Variants in ZNF146 observed in about 807,000 individuals in gnomAD.
The protein encoded by ZNF146 is zinc finger protein OZF.
In ZNF146, 9 loss-of-function variants were observed where a neutral mutation model predicts 22.2. That is an observed-to-expected ratio of 0.41 (90% CI 0.24 to 0.71). The LOEUF (loss-of-function observed/expected upper bound fraction) is 0.71, where lower values mean the gene tolerates loss of function less well. ZNF146 is among the 30% of genes least tolerant of loss of function. ZNF146 has a pLI of 0.34. For missense variants in ZNF146, 194 were observed against 344.8 expected (o/e 0.56, Z 3.46); for synonymous variants, 108 against 119.2 (o/e 0.91, Z 0.61).
At chr19:36,225,945 T>G (rs1330999437) in intron 2 of ZNF146, among the ~76,000 whole-genome samples, 1 of 151,692 alleles carries the variant, frequency 6.6e-6, no homozygotes, top group Non-Finnish European at 1.5e-5. Flanking sequence ...GGATTTGAAT[T>G]TTTTGCAGAG....
At chr19:36,230,865 G>C (rs773590085) in intron 3 of ZNF146, among the ~76,000 whole-genome samples, 3 of 151,984 alleles carry the variant, frequency 2.0e-5, no homozygotes, top group Non-Finnish European at 4.4e-5. Context: ...ACAGTGGTGC[G>C]ATCTCGGCTC....
At chr19:36,217,055 C>CTTTT (rs752632008) in intron 1 of ZNF146, among the ~76,000 whole-genome samples, 16,628 of 65,800 alleles carry the variant, frequency 0.25, 3,531 homozygotes, top group South Asian at 0.32. Context: ...CAGTCCCTGT[C>CTTTT]TTTTTTTTTT....
chr19:36,221,520 C>T (rs1976837413), intron 2 of ZNF146, among the ~76,000 whole-genome samples: 1 of 152,030 alleles, frequency 6.6e-6, no homozygotes, highest in Admixed American at 6.6e-5. Flanking sequence ...GATCTCCTGA[C>T]CTCGTGATCC....
chr19:36,227,958 C>T (rs566915447), intron 2 of ZNF146, among the ~76,000 whole-genome samples: 16 of 152,098 alleles, frequency 1.1e-4, no homozygotes, highest in African/African-American at 3.9e-4. Flanking sequence ...GTCAGGAGTT[C>T]GAGACCAGCC....
In ZNF146 at chr19:36,236,937, G is replaced by T. The variant is rs1977665343; in HGVS notation, c.497G>T (p.Gly166Val). Residue 166 changes from glycine to valine, a missense_variant, in exon 4 of 4, where the codon GGC becomes GTC. Gly to Val is a moderately radical substitution (Grantham distance 109). This residue lies in a region of ZNF146 where 147 missense variants were observed against 300.1 expected (regional missense o/e 0.49). Transcript: ENST00000443387. The stretch of plus-strand genomic sequence containing the variant: ...TGTAGTGAATGTGGAACAGCCTTTG[G>T]CCAGAAGAAGTACCTCATAAAACAT... ...FKCSECGTAF[G>V]QKKYLIKHQN... is the part of the protein sequence containing the mutation. 6.2e-7 allele frequency: 1 copy of T among 1,614,094 alleles called. No homozygotes were observed. Among genetic ancestry groups the T allele is most frequent in the Non-Finnish European group, 8.5e-7 (1 of 1,180,014 alleles).
At chr19:36,217,604 A>G (rs934076190) in intron 1 of ZNF146, among the ~76,000 whole-genome samples, 2 of 152,100 alleles carry the variant, frequency 1.3e-5, no homozygotes, top group African/African-American at 2.4e-5. Context: ...GAATAAGAAA[A>G]GGGGTAATAA....
intron 2 of ZNF146, among the ~76,000 whole-genome samples, chr19:36,222,144 G>A: frequency 6.6e-6 from 1 of 151,898 alleles, no homozygotes; most frequent in East Asian, 1.9e-4. Flanking sequence ...GATTGGTCTC[G>A]AACTCCTGAG....
Position 36,236,498 on chromosome 19 carries a change from G to C in ZNF146, c.58G>C (p.Val20Leu), listed in dbSNP as rs1262293237. 1.7e-5 allele frequency: 27 copies of C among 1,614,004 alleles called. No homozygotes were observed. Among genetic ancestry groups the C allele is most frequent in the Non-Finnish European group, 2.2e-5 (26 of 1,180,004 alleles). ...YSGENPFACK[V>L]CGKVFSHKSN... ...TGGGGAAAACCCCTTTGCCTGTAAGGTATGTGGAAAAGTCTTCAGCCACAA... is the reference window on the plus strand; with the variant it reads ...TGGGGAAAACCCCTTTGCCTGTAAGCTATGTGGAAAAGTCTTCAGCCACAA... The change falls in exon 4 of 4, where the codon GTA (valine) becomes CTA (leucine). Residue 20 changes from valine (V) to leucine (L), a missense_variant. By Grantham distance (32) the Val-to-Leu change is conservative (BLOSUM62 1). Around this residue, in one of 2 missense-constraint regions of ZNF146, gnomAD observed 47 missense variants for 44.7 expected, o/e 1.05. Coordinates refer to ENST00000443387, the MANE Select transcript of ZNF146 (RefSeq NM_007145.3).
At chr19:36,230,011 C>T (rs997008347) in intron 3 of ZNF146, among the ~76,000 whole-genome samples, 2 of 152,184 alleles carry the variant, frequency 1.3e-5, no homozygotes, top group Non-Finnish European at 2.9e-5. Flanking sequence ...TGAGCCACCG[C>T]GCCTGGCTAA....
intron 2 of ZNF146, among the ~76,000 whole-genome samples, chr19:36,220,262 A>G (rs1976775258): frequency 6.6e-6 from 1 of 152,072 alleles, no homozygotes; most frequent in Non-Finnish European, 1.5e-5. Context: ...TACATTTTTA[A>G]TGTATTTTTA....
rs1976780685 is a variant in ZNF146, at chr19:36,220,342, G to A, written c.-855+2147G>A. Among the ~76,000 whole-genome samples the A allele has an allele frequency of 1.8e-5, 2 of 113,866 alleles. 1 individual carries two copies. The highest frequency in any genetic ancestry group is 4.3e-5 in the Non-Finnish European group (2 of 46,084). The allele number at this position is 113,866 out of a possible 152,430, so 74.7% of individuals were successfully genotyped here. On this transcript the variant is annotated intron_variant, in intron 2 of 3. Coordinates refer to ENST00000443387, the MANE Select transcript of ZNF146 (RefSeq NM_007145.3). The stretch of plus-strand genomic sequence containing the variant: ...TATAGTATTTTTACCTAATTTCTTA[G>A]CTCCTAGTTCTTTTTTTTAATTTAA...
rs1977443402 is a variant in ZNF146, at chr19:36,232,776, T to A, written c.-782-2883T>A. On this transcript the variant is annotated intron_variant, in intron 3 of 3. Transcript: ENST00000443387. ...GGAGCATGCCACCACATCCAGCTAA[T>A]TTTTTGTATTTTTAGTAGAGACGAG... 2.0e-5 allele frequency among the ~76,000 whole-genome samples: 3 copies of A among 151,966 alleles called. No individual in the cohort carries two copies. In the South Asian group the frequency reaches 6.2e-4, roughly 32 times the overall value.
chr19:36,221,728 CAT>C (rs1020627948), intron 2 of ZNF146, among the ~76,000 whole-genome samples: 13 of 152,026 alleles, frequency 8.6e-5, no homozygotes, highest in African/African-American at 3.1e-4. Flanking sequence ...CTTATGTAAA[CAT>C]GTCTTGTTTT....
intron 2 of ZNF146, among the ~76,000 whole-genome samples, chr19:36,218,514 G>T (rs992836136): frequency 1.6e-4 from 25 of 151,644 alleles, no homozygotes; most frequent in Admixed American, 1.5e-3. Flanking sequence ...CGCCCAGGCT[G>T]CAGTGCAGTG....
At chr19:36,228,055 G>A (rs574274031) in intron 2 of ZNF146, among the ~76,000 whole-genome samples, 82 of 151,902 alleles carry the variant, frequency 5.4e-4, no homozygotes, top group African/African-American at 1.7e-3. Flanking sequence ...AGCTACTCAG[G>A]AGGCTGAGGC....
At chr19:36,221,093 G>C (rs562891763) in intron 2 of ZNF146, among the ~76,000 whole-genome samples, 5 of 150,654 alleles carry the variant, frequency 3.3e-5, no homozygotes, top group Non-Finnish European at 7.4e-5. Context: ...CTTCCTACTC[G>C]TCTTGGCCTC....
chr19:36,227,381 C>G (rs969119184), intron 2 of ZNF146, among the ~76,000 whole-genome samples: 1 of 143,526 alleles, frequency 7.0e-6, no homozygotes, highest in African/African-American at 2.6e-5. Context: ...CAGAACGAGT[C>G]TCTGTCACAA....
At chr19:36,229,782 C>T (rs2145436625) in intron 3 of ZNF146, among the ~76,000 whole-genome samples, 1 of 152,312 alleles carries the variant, frequency 6.6e-6, no homozygotes, top group South Asian at 2.1e-4. Flanking sequence ...TGCAGTGGCA[C>T]AGTCTTGGCT....
intron 2 of ZNF146, among the ~76,000 whole-genome samples, chr19:36,220,557 G>A (rs1976792604): frequency 6.6e-6 from 1 of 151,882 alleles, no homozygotes; most frequent in African/African-American, 2.4e-5. Flanking sequence ...GTAGAGATGG[G>A]GTTTCACCGT....
Sources: allele counts gnomAD v4.1 joint callset (sites outside exome capture counted in the v4.1 genomes callset), GRCh38; gene constraint gnomAD v4.1.1; regional missense constraint gnomAD v4.1.1; transcripts MANE v1.5; gene names NCBI Gene and HGNC (gene_info 2026-07-23, HGNC 2026-07-21).